PROSER2: variants seen among roughly 807,000 people sequenced by gnomAD.
PROSER2 encodes proline and serine-rich protein 2.
In PROSER2, 18 loss-of-function variants were observed where a neutral mutation model predicts 14.6. That is an observed-to-expected ratio of 1.23 (90% CI 0.85 to 1.83). PROSER2 has a LOEUF of 1.83. Ranked by LOEUF, PROSER2 falls within the 40% of genes most tolerant of loss-of-function variation. PROSER2 has a pLI of 0.00. For missense variants in PROSER2, 823 were observed against 629.8 expected (o/e 1.31, Z -3.28); for synonymous variants, 367 against 286.4 (o/e 1.28, Z -2.84).
At chr10:11,834,355 G>C (rs971018425) in intron 1 of PROSER2, among the ~76,000 whole-genome samples, 1 of 151,960 alleles carries the variant, frequency 6.6e-6, no homozygotes, top group Non-Finnish European at 1.5e-5. Flanking sequence ...AAGAGACAAG[G>C]CTAGGCCAGA....
rs1264279772 is a variant in PROSER2, at chr10:11,856,498, G to C, written c.138+4283G>C. ...GCATGGTTCTCAAGGAGTGGAGCTG[G>C]AACAGCATGGCTGCTTTTGTGAGGG... On this transcript the variant is annotated intron_variant, in intron 2 of 3. Coordinates refer to ENST00000277570, the MANE Select transcript of PROSER2 (RefSeq NM_153256.4). This position sits in a 1 kb window ranked among gnomAD's most constrained non-coding sequence, Gnocchi z 5.3. Among the ~76,000 whole-genome samples the C allele has an allele frequency of 1.3e-5, 2 of 152,236 alleles. No homozygotes were observed. Among genetic ancestry groups the C allele is most frequent in the Non-Finnish European group, 2.9e-5 (2 of 68,046 alleles).
rs1332720373 is a variant in PROSER2, at chr10:11,854,019, C to T, written c.138+1804C>T. 3.9e-5 allele frequency among the ~76,000 whole-genome samples: 6 copies of T among 152,288 alleles called. No homozygotes were observed. In the East Asian group the frequency reaches 1.2e-3, roughly 29 times the overall value. ...AATGGAAACAGCATTGTAAAGCCCA[C>T]TCATAGGACGCCTATAATTAAGTTA... On this transcript the variant is annotated intron_variant, in intron 2 of 3. Transcript: ENST00000277570.
rs925692797 is a variant in PROSER2 at position 11,856,217 on chromosome 10, C to G, written c.138+4002C>G. On this transcript the variant is annotated intron_variant, in intron 2 of 3. Coordinates refer to ENST00000277570, the MANE Select transcript of PROSER2 (RefSeq NM_153256.4). The surrounding 1 kb of genome is among the most constrained non-coding windows in gnomAD (Gnocchi z 5.3). ...GAGATGTCCATATGTGACAGCTCTC[C>G]TCTCCATGGCTGCTGCAGGCGGCTC... Among the ~76,000 whole-genome samples, 3 of 152,206 alleles carry G rather than the reference C, an allele frequency of 2.0e-5. No individual in the cohort carries two copies. The highest frequency in any genetic ancestry group is 1.5e-5 in the Non-Finnish European group (1 of 68,046).
chr10:11,826,792 G>C (rs1445032855), intron 1 of PROSER2, among the ~76,000 whole-genome samples: 1 of 151,952 alleles, frequency 6.6e-6, no homozygotes, highest in Admixed American at 6.5e-5. Context: ...GTGTTAGCCA[G>C]GATGGTCTTG....
chr10:11,834,884 A>G (rs1833737959), intron 1 of PROSER2, among the ~76,000 whole-genome samples: 1 of 152,014 alleles, frequency 6.6e-6, no homozygotes, highest in Non-Finnish European at 1.5e-5. Context: ...AGATGGGTGG[A>G]TCACTTGAGG....
At chr10:11,841,925 C>T (rs1833850702) in intron 1 of PROSER2, among the ~76,000 whole-genome samples, 1 of 152,110 alleles carries the variant, frequency 6.6e-6, no homozygotes, top group Non-Finnish European at 1.5e-5. Context: ...TATTCTCAGG[C>T]TTGATAAATC....
rs1277700077 is a variant in PROSER2 at position 11,841,929 on chromosome 10, A to G, written c.-81-10068A>G. 3.3e-5 allele frequency among the ~76,000 whole-genome samples: 5 copies of G among 152,300 alleles called. No homozygotes were observed. In the East Asian group the frequency reaches 9.6e-4, roughly 29 times the overall value. On this transcript the variant is annotated intron_variant, in intron 1 of 3. Coordinates refer to ENST00000277570, the MANE Select transcript of PROSER2 (RefSeq NM_153256.4). ...TAAGTCTTCTGTATTCTCAGGCTTG[A>G]TAAATCAGTTGCCAAGAAAGGTGTG...
chr10:11,859,344 C>T (rs1410940041), intron 2 of PROSER2, among the ~76,000 whole-genome samples: 1 of 151,684 alleles, frequency 6.6e-6, no homozygotes, highest in Non-Finnish European at 1.5e-5. Context: ...GGGGGAATTG[C>T]ATGAACCAGG....
rs1834263500 is a variant in PROSER2 at position 11,862,479 on chromosome 10, C to T, written c.139-4052C>T. 6.6e-6 allele frequency among the ~76,000 whole-genome samples: 1 copy of T among 152,130 alleles called. No individual in the cohort carries two copies. The highest frequency in any genetic ancestry group is 1.5e-5 in the Non-Finnish European group (1 of 68,026). On this transcript the variant is annotated intron_variant, in intron 2 of 3. Transcript: ENST00000277570. This position sits in a 1 kb window ranked among gnomAD's most constrained non-coding sequence, Gnocchi z 4.2. ...AGCTGAGGCCAGAGGACTGCCTGAG[C>T]CCAGGAGTTCAAGATCAGCCTGGGC...
intron 2 of PROSER2, among the ~76,000 whole-genome samples, chr10:11,854,544 C>T (rs11812650): frequency 3.9e-5 from 6 of 152,026 alleles, no homozygotes; most frequent in African/African-American, 1.4e-4. Context: ...TTCCTGGCCT[C>T]AAGCAATCCT....
At position 11,854,788 on chromosome 10, in the gene PROSER2, G is replaced by A. The variant is rs182320033; in HGVS notation, c.138+2573G>A. Among the ~76,000 whole-genome samples the A allele has an allele frequency of 3.4e-3, 514 of 152,176 alleles. 4 individuals are homozygous for A. The highest frequency in any genetic ancestry group is 0.012 in the African/African-American group (488 of 41,504). ...CATGACACTTGATTTTCACAGAGCCGCACTTAGCAGCCAGTCCCTATCACA... is the reference window on the plus strand; with the variant it reads ...CATGACACTTGATTTTCACAGAGCCACACTTAGCAGCCAGTCCCTATCACA... On this transcript the variant is annotated intron_variant, in intron 2 of 3. Transcript: ENST00000277570.
chr10:11,827,291 C>G (rs1445206757), intron 1 of PROSER2, among the ~76,000 whole-genome samples: 1 of 152,028 alleles, frequency 6.6e-6, no homozygotes, highest in East Asian at 1.9e-4. Flanking sequence ...TGCTGGACAT[C>G]TCTTCAGATG....
rs552006363 is a variant in PROSER2 at position 11,834,606 on chromosome 10, A to G, written c.-82+11136A>G. Among the ~76,000 whole-genome samples, 368 of 151,636 alleles carry G rather than the reference A, an allele frequency of 2.4e-3. 2 individuals are homozygous for G. The highest frequency in any genetic ancestry group is 4.5e-3 in the Admixed American group (69 of 15,242). ...AAAAATTAGCCGGGTATGGTAGTGC[A>G]TACCTGTAATCCCAGCTACTCAGGA... On this transcript the variant is annotated intron_variant, in intron 1 of 3. Coordinates refer to ENST00000277570, the MANE Select transcript of PROSER2 (RefSeq NM_153256.4).
In PROSER2 at chr10:11,869,364, A is replaced by T; in HGVS notation, c.392-126A>T. On this transcript the variant is annotated intron_variant, in intron 3 of 3. Coordinates refer to ENST00000277570, the MANE Select transcript of PROSER2 (RefSeq NM_153256.4). The surrounding 1 kb of genome is among the most constrained non-coding windows in gnomAD (Gnocchi z 4.4). ...GGAACAGGGAGAGAGGAGTTGACTC[A>T]CAGGCAGCACCGGCGAAGTTGGTGT... 1 of 680,932 alleles carries T rather than the reference A, an allele frequency of 1.5e-6. No homozygotes were observed. 42.2% of individuals were successfully genotyped at this position (680,932 alleles called of 1,614,324 possible). A position where few individuals can be genotyped will look rare whatever the true frequency, so the allele number is the denominator to read the frequency against.
intron 1 of PROSER2, chr10:11,851,513 G>C (rs1292310531): frequency 6.6e-6 from 1 of 152,204 alleles, no homozygotes; most frequent in Non-Finnish European, 1.5e-5. Flanking sequence ...TGGTGGCTGA[G>C]GCAGAAAAGC....
At chr10:11,840,994 T>C (rs1163751075) in intron 1 of PROSER2, among the ~76,000 whole-genome samples, 1 of 95,164 alleles carries the variant, frequency 1.1e-5, no homozygotes, top group East Asian at 4.6e-4. Context: ...ATATATATGA[T>C]GGTGGGGGTT....
At position 11,870,006 on chromosome 10, in the gene PROSER2, G is replaced by A; in HGVS notation, c.908G>A (p.Gly303Asp). ...AGAFPAAGDAGEGAPGGGSSP... is the reference protein window; with the variant it reads ...AGAFPAAGDADEGAPGGGSSP... ...GCCTTCCCCGCCGCGGGGGACGCCG[G>A]CGAGGGGGCCCCAGGGGGCGGCTCC... is the stretch of plus-strand genomic sequence containing the variant. Residue 303 changes from glycine (G) to aspartate (D), a missense_variant, in exon 4 of 4, where the codon GGC becomes GAC. By Grantham distance (94) the Gly-to-Asp change is moderately conservative. Transcript: ENST00000277570. The A allele has an allele frequency of 8.0e-7, 1 of 1,250,198 alleles. No homozygotes were observed. The highest frequency in any genetic ancestry group is 3.4e-5 in the East Asian group (1 of 29,360). The allele number at this position is 1,250,198 out of a possible 1,614,324, so 77.4% of individuals were successfully genotyped here. A position where few individuals can be genotyped will look rare whatever the true frequency, so the allele number is the denominator to read the frequency against.
At chr10:11,829,716 A>G (rs941926727) in intron 1 of PROSER2, among the ~76,000 whole-genome samples, 1 of 152,072 alleles carries the variant, frequency 6.6e-6, no homozygotes, top group African/African-American at 2.4e-5. Context: ...CAGGTAACCA[A>G]TGAATTTGTT....
chr10:11,862,447 T>C lies in PROSER2; in HGVS notation c.139-4084T>C, dbSNP rs1834262961. On this transcript the variant is annotated intron_variant, in intron 2 of 3. Transcript: ENST00000277570. This position sits in a 1 kb window ranked among gnomAD's most constrained non-coding sequence, Gnocchi z 4.2. Reference sequence around the variant, plus strand: ...TGGCTCATGCCTACAATAACACCACTTTGGGAAGCTGAGGCCAGAGGACTG... The same window carrying C: ...TGGCTCATGCCTACAATAACACCACCTTGGGAAGCTGAGGCCAGAGGACTG... Among the ~76,000 whole-genome samples the C allele has an allele frequency of 6.6e-6, 1 of 152,142 alleles. No individual in the cohort carries two copies. The highest frequency in any genetic ancestry group is 2.1e-4 in the South Asian group (1 of 4,818).
Sources: allele counts gnomAD v4.1 joint callset (sites outside exome capture counted in the v4.1 genomes callset), GRCh38; gene constraint gnomAD v4.1.1; non-coding constraint Gnocchi (gnomAD v3.1); transcripts MANE v1.5; gene names NCBI Gene and HGNC (gene_info 2026-07-23, HGNC 2026-07-21).